APBA1: variants seen among roughly 807,000 people sequenced by gnomAD.
APBA1 encodes amyloid beta precursor protein binding family A member 1.
A neutral mutation model predicts 86.6 loss-of-function variants in APBA1; 55 were observed. The ratio of observed to expected loss-of-function variants is 0.64; its 90% CI spans 0.51 to 0.80. The LOEUF (loss-of-function observed/expected upper bound fraction) is 0.80. APBA1 is among the 30% of genes least tolerant of loss of function. The pLI is 0.00. For missense variants in APBA1, 1,090 were observed against 1,183.0 expected (o/e 0.92, Z 1.15); for synonymous variants, 511 against 493.9 (o/e 1.03, Z -0.46).
intron 1 of APBA1, among the ~76,000 whole-genome samples, chr9:69,655,648 C>A (rs980806341): frequency 5.3e-5 from 8 of 152,070 alleles, no homozygotes; most frequent in African/African-American, 1.4e-4. Context: ...ATTAAAATGA[C>A]TGTATCTACA....
intron 1 of APBA1, among the ~76,000 whole-genome samples, chr9:69,528,744 A>C (rs940377324): frequency 2.7e-5 from 4 of 150,940 alleles, no homozygotes; most frequent in African/African-American, 9.7e-5. Flanking sequence ...TACCATTTTC[A>C]CACACACACA....
At chr9:69,526,880 TG>T (rs1322049895) in intron 1 of APBA1, among the ~76,000 whole-genome samples, 1 of 152,076 alleles carries the variant, frequency 6.6e-6, no homozygotes. Context: ...CCATACACCA[TG>T]GAATACTATG....
chr9:69,516,159 T>A lies in APBA1; in HGVS notation c.1052A>T (p.Lys351Met). 6.2e-7 allele frequency: 1 copy of A among 1,612,198 alleles called. No homozygotes were observed. Among genetic ancestry groups the A allele is most frequent in the Non-Finnish European group, 8.5e-7 (1 of 1,179,108 alleles). ...EKRDAISLAI[K>M]DIKEAIEEVK... is the part of the protein sequence containing the mutation. ...CTCCTCGATGGCCTCCTTGATGTCC[T>A]TGATGGCCAGCGAGATGGCATCGCG... The change falls in exon 2 of 13, where the codon AAG (lysine) becomes ATG (methionine). Residue 351 changes from lysine to methionine, a missense_variant. Around this residue, in one of 6 missense-constraint regions of APBA1, gnomAD observed 678 missense variants for 647.1 expected, o/e 1.05. Transcript: ENST00000265381. The surrounding 1 kb of genome is among the most constrained non-coding windows in gnomAD (Gnocchi z 7.3).
chr9:69,494,882 C>T (rs1007338658), intron 2 of APBA1, among the ~76,000 whole-genome samples: 2 of 152,106 alleles, frequency 1.3e-5, no homozygotes, highest in Non-Finnish European at 2.9e-5. Context: ...TACAAGGGTA[C>T]ATTATACTCA....
At chr9:69,610,741 T>G (rs1822570546) in intron 1 of APBA1, among the ~76,000 whole-genome samples, 1 of 152,152 alleles carries the variant, frequency 6.6e-6, no homozygotes, top group Non-Finnish European at 1.5e-5. Context: ...CAGATTTTCT[T>G]TGCTCTCAAG....
At chr9:69,605,266 A>G (rs142149464) in intron 1 of APBA1, among the ~76,000 whole-genome samples, 47 of 151,746 alleles carry the variant, frequency 3.1e-4, no homozygotes, top group African/African-American at 1.1e-3. Context: ...CCTCCTTTAC[A>G]GTAAAAAAAA....
chr9:69,442,849 T>G (rs1487576002), intron 10 of APBA1, among the ~76,000 whole-genome samples: 1 of 152,138 alleles, frequency 6.6e-6, no homozygotes, highest in African/African-American at 2.4e-5. Context: ...TAGACACAGA[T>G]TGCTTTGTCC....
At chr9:69,549,587 C>A (rs1281644182) in intron 1 of APBA1, among the ~76,000 whole-genome samples, 1 of 152,168 alleles carries the variant, frequency 6.6e-6, no homozygotes, top group Non-Finnish European at 1.5e-5. Flanking sequence ...CAAAACCCCT[C>A]GGCCTCACTG....
At chr9:69,490,488 T>A (rs13302617) in intron 2 of APBA1, among the ~76,000 whole-genome samples, 73,199 of 150,708 alleles carry the variant, frequency 0.49, 19,117 homozygotes, top group East Asian at 0.72. Context: ...AATAAAATTT[T>A]TAAAAAAAAG....
At chr9:69,631,840 G>A (rs1265747949) in intron 1 of APBA1, among the ~76,000 whole-genome samples, 1 of 152,162 alleles carries the variant, frequency 6.6e-6, no homozygotes, top group African/African-American at 2.4e-5. Context: ...CTCACTCATA[G>A]ATGGGAATTG....
chr9:69,603,171 C>T (rs1400635023), intron 1 of APBA1, among the ~76,000 whole-genome samples: 1 of 152,198 alleles, frequency 6.6e-6, no homozygotes, highest in South Asian at 2.1e-4. Flanking sequence ...TGCCACAAAC[C>T]ACCATCTGAG....
At chr9:69,530,812 A>G (rs911354995) in intron 1 of APBA1, among the ~76,000 whole-genome samples, 1 of 152,116 alleles carries the variant, frequency 6.6e-6, no homozygotes. Context: ...CTTATCCTCC[A>G]AAAAAAGTCT....
chr9:69,506,035 A>AG (rs1303781258), intron 2 of APBA1, among the ~76,000 whole-genome samples: 6 of 151,494 alleles, frequency 4.0e-5, no homozygotes. Flanking sequence ...AAGAAAAAGA[A>AG]GAAAAAAAAA....
chr9:69,499,828 G>A (rs964483330), intron 2 of APBA1, among the ~76,000 whole-genome samples: 2 of 151,934 alleles, frequency 1.3e-5, no homozygotes, highest in African/African-American at 2.4e-5. Flanking sequence ...AAGTACACAT[G>A]ATCAGGGCAA....
chr9:69,462,407 G>A (rs1314885852), intron 5 of APBA1: 1 of 152,200 alleles, frequency 6.6e-6, no homozygotes, highest in Non-Finnish European at 1.5e-5. Flanking sequence ...GTTGTTAGGG[G>A]AGAGATGTGT....
At chr9:69,644,700 T>C (rs943089418) in intron 1 of APBA1, among the ~76,000 whole-genome samples, 13 of 152,130 alleles carry the variant, frequency 8.5e-5, no homozygotes, top group Non-Finnish European at 1.9e-4. Flanking sequence ...TAGAGGGAGT[T>C]GGGGATGTCT....
At chr9:69,524,619 C>A (rs1376493775) in intron 1 of APBA1, among the ~76,000 whole-genome samples, 1 of 150,098 alleles carries the variant, frequency 6.7e-6, no homozygotes, top group Non-Finnish European at 1.5e-5. Flanking sequence ...AAAAAAAAAA[C>A]CCTGTAACAG....
chr9:69,525,692 C>G (rs915143436), intron 1 of APBA1, among the ~76,000 whole-genome samples: 3 of 152,062 alleles, frequency 2.0e-5, no homozygotes, highest in Non-Finnish European at 4.4e-5. Context: ...AAACTACCAA[C>G]ATCATTTTTC....
chr9:69,620,129 T>C (rs1822785894), intron 1 of APBA1, among the ~76,000 whole-genome samples: 1 of 152,238 alleles, frequency 6.6e-6, no homozygotes, highest in Admixed American at 6.5e-5. Flanking sequence ...TCTTCCTCCC[T>C]CACCACGTTA....
Sources: allele counts gnomAD v4.1 joint callset (sites outside exome capture counted in the v4.1 genomes callset), GRCh38; gene constraint gnomAD v4.1.1; regional missense constraint gnomAD v4.1.1; non-coding constraint Gnocchi (gnomAD v3.1); transcripts MANE v1.5; gene names NCBI Gene and HGNC (gene_info 2026-07-23, HGNC 2026-07-21).